Variants in PLEKHG3 observed in about 807,000 individuals in gnomAD.
PLEKHG3 encodes the protein pleckstrin homology and RhoGEF domain containing G3, also known as pleckstrin homology domain-containing family G member 3.
Under a neutral mutation model 94.9 loss-of-function variants are expected in PLEKHG3, and 62 were observed. The observed-to-expected ratio is 0.65, with a 90% CI of 0.53 to 0.81. PLEKHG3 has a LOEUF of 0.81. Ranked by LOEUF, PLEKHG3 falls within the 30% of genes least tolerant of loss-of-function variation. The probability of loss-of-function intolerance (pLI) is 0.00; values close to 1 mark genes in which losing one functional copy is unlikely to be tolerated. For synonymous variants in PLEKHG3, 614 were observed against 654.0 expected (o/e 0.94, Z 0.93); for missense variants, 1,461 against 1,619.3 (o/e 0.90, Z 1.68).
chr14:64,749,038 C>T lies in PLEKHG3; in HGVS notation c.*5335C>T. On this transcript the variant is annotated 3_prime_UTR_variant, in exon 17 of 17. Coordinates refer to ENST00000247226, the MANE Select transcript of PLEKHG3 (RefSeq NM_001308147.2). The surrounding 1 kb of genome is among the most constrained non-coding windows in gnomAD (Gnocchi z 4.7). ...GTGTGCCTCAGAGAACCGTTTCCTGCCCCCAGGCCTGGAGGCCCCAAAGGC... is the reference window on the plus strand; with the variant it reads ...GTGTGCCTCAGAGAACCGTTTCCTGTCCCCAGGCCTGGAGGCCCCAAAGGC... The T allele has an allele frequency of 5.3e-6, 2 of 379,728 alleles. No individual in the cohort carries two copies. Among genetic ancestry groups the T allele is most frequent in the South Asian group, 5.7e-5 (2 of 35,188 alleles). 23.5% of individuals were successfully genotyped at this position (379,728 alleles called of 1,614,324 possible). A position where few individuals can be genotyped will look rare whatever the true frequency, so the allele number is the denominator to read the frequency against.
intron 1 of PLEKHG3, among the ~76,000 whole-genome samples, chr14:64,708,644 C>T (rs769936799): frequency 7.9e-5 from 12 of 152,170 alleles, no homozygotes; most frequent in African/African-American, 1.9e-4. Flanking sequence ...GCTGAGTCTC[C>T]GACCCTCTCT....
In PLEKHG3 at chr14:64,730,796, C is replaced by A; in HGVS notation, c.567-3C>A. The A allele has an allele frequency of 1.2e-6, 2 of 1,613,018 alleles. No individual in the cohort carries two copies. Among genetic ancestry groups the A allele is most frequent in the Non-Finnish European group, 1.7e-6 (2 of 1,179,300 alleles). On this transcript the variant is annotated splice_region_variant and splice_polypyrimidine_tract_variant and intron_variant, in intron 5 of 16. Transcript: ENST00000247226. This position sits in a 1 kb window ranked among gnomAD's most constrained non-coding sequence, Gnocchi z 5.4. ...TGGTGACTGGCCCTTCTCCCACTCCCAGCTCCGTGGCCGCCCTGACGGAAT... is the reference window on the plus strand; with the variant it reads ...TGGTGACTGGCCCTTCTCCCACTCCAAGCTCCGTGGCCGCCCTGACGGAAT...
chr14:64,734,945 C>G (rs1323332188), intron 12 of PLEKHG3, among the ~76,000 whole-genome samples: 1 of 151,978 alleles, frequency 6.6e-6, no homozygotes, highest in East Asian at 1.9e-4. Context: ...AGGCTGGTCT[C>G]GAACTCCTGA....
intron 1 of PLEKHG3, among the ~76,000 whole-genome samples, chr14:64,708,266 T>C (rs561127932): frequency 6.6e-6 from 1 of 152,250 alleles, no homozygotes; most frequent in Admixed American, 6.5e-5. Context: ...TGCTCTGGAA[T>C]TCCCCCTGCT....
chr14:64,738,053 C>T lies in PLEKHG3; in HGVS notation c.1404+678C>T. 1 of 1,296,122 alleles carries T rather than the reference C, an allele frequency of 7.7e-7. No individual in the cohort carries two copies. Among genetic ancestry groups the T allele is most frequent in the Non-Finnish European group, 1.0e-6 (1 of 992,982 alleles). The allele number at this position is 1,296,122 out of a possible 1,614,324, so 80.3% of individuals were successfully genotyped here. A position where few individuals can be genotyped will look rare whatever the true frequency, so the allele number is the denominator to read the frequency against. ...TGGAGGACCTGACAGGGCATGAAGG[C>T]AACGAGAAGGGGGCTGGGCCGGAGC... On this transcript the variant is annotated intron_variant, in intron 14 of 16. Transcript: ENST00000247226. This position sits in a 1 kb window ranked among gnomAD's most constrained non-coding sequence, Gnocchi z 4.8.
Position 64,732,056 on chromosome 14 carries a change from A to G in PLEKHG3, c.1126-39A>G. 4 of 1,457,828 alleles carry G rather than the reference A, an allele frequency of 2.7e-6. No homozygotes were observed. The highest frequency in any genetic ancestry group is 3.9e-6 in the Non-Finnish European group (4 of 1,037,378). The allele number at this position is 1,457,828 out of a possible 1,614,324, so 90.3% of individuals were successfully genotyped here. Reference sequence around the variant, plus strand: ...CATGCTAGACAGCTTCAGGCCTGTAATGATAACCACTGGGTCCCTTTCCCT... The same window carrying G: ...CATGCTAGACAGCTTCAGGCCTGTAGTGATAACCACTGGGTCCCTTTCCCT... On this transcript the variant is annotated intron_variant, in intron 9 of 16. Coordinates refer to ENST00000247226, the MANE Select transcript of PLEKHG3 (RefSeq NM_001308147.2). The surrounding 1 kb of genome is among the most constrained non-coding windows in gnomAD (Gnocchi z 4.9).
chr14:64,737,028 C>A (rs1336871220), intron 13 of PLEKHG3, 137 bp downstream of exon 13: 8 of 759,858 alleles, frequency 1.1e-5, no homozygotes, highest in African/African-American at 1.7e-5. Context: ...GCCTCCATTC[C>A]CCCCAGAAGA....
chr14:64,749,628 G>A lies in PLEKHG3; in HGVS notation c.*5925G>A. On this transcript the variant is annotated 3_prime_UTR_variant, in exon 17 of 17. Coordinates refer to ENST00000247226, the MANE Select transcript of PLEKHG3 (RefSeq NM_001308147.2). This position sits in a 1 kb window ranked among gnomAD's most constrained non-coding sequence, Gnocchi z 4.7. ...CTCCACCTACCCCCTTCTTAGCCAGGTCTGGGCTAGGCTGCCCGCGCTTAC... is the reference window on the plus strand; with the variant it reads ...CTCCACCTACCCCCTTCTTAGCCAGATCTGGGCTAGGCTGCCCGCGCTTAC... The A allele has an allele frequency of 1.9e-6, 3 of 1,613,230 alleles. No individual in the cohort carries two copies. Among genetic ancestry groups the A allele is most frequent in the Non-Finnish European group, 2.5e-6 (3 of 1,179,906 alleles).
Position 64,746,567 on chromosome 14 carries a change from A to G in PLEKHG3, c.*2864A>G, listed in dbSNP as rs1485392286. 1 of 152,436 alleles carries G rather than the reference A, an allele frequency of 6.6e-6. No homozygotes were observed. Among genetic ancestry groups the G allele is most frequent in the Non-Finnish European group, 1.5e-5 (1 of 67,996 alleles). The allele number at this position is 152,436 out of a possible 1,614,324, so 9.4% of individuals were successfully genotyped here. A position where few individuals can be genotyped will look rare whatever the true frequency, so the allele number is the denominator to read the frequency against. On this transcript the variant is annotated 3_prime_UTR_variant, in exon 17 of 17. Coordinates refer to ENST00000247226, the MANE Select transcript of PLEKHG3 (RefSeq NM_001308147.2). The surrounding 1 kb of genome is among the most constrained non-coding windows in gnomAD (Gnocchi z 4.9). The stretch of plus-strand genomic sequence containing the variant: ...GAGGAAGAGGATTCAGGGTCAGCCT[A>G]GGGGACCCTGGCTCCCTCCGATAGG...
At position 64,718,130 on chromosome 14, in the gene PLEKHG3, TCTC is replaced by T. The variant is rs1256760805; in HGVS notation, c.-39-9460_-39-9458del. Among the ~76,000 whole-genome samples the T allele has an allele frequency of 1.3e-5, 2 of 152,250 alleles. No individual in the cohort carries two copies. The highest frequency in any genetic ancestry group is 2.9e-5 in the Non-Finnish European group (2 of 68,042). On this transcript the variant is annotated intron_variant, in intron 1 of 16. Transcript: ENST00000247226. The surrounding 1 kb of genome is among the most constrained non-coding windows in gnomAD (Gnocchi z 5.0). ...TTATGACTCAGCTAAGATGTCACCT[TCTC>T]CTAGAAAGCTTCCTGGTCCCCTAAG...
intron 16 of PLEKHG3, 128 bp downstream of exon 16, chr14:64,742,583 G>T: frequency 1.5e-6 from 1 of 685,268 alleles, no homozygotes; most frequent in Non-Finnish European, 2.4e-6. Flanking sequence ...CTGGACCCTG[G>T]GCACTAAGGG....
At chr14:64,710,484 A>G (rs10138034) in intron 1 of PLEKHG3, among the ~76,000 whole-genome samples, 14,126 of 152,196 alleles carry the variant, frequency 0.093, 745 homozygotes, top group African/African-American at 0.14. Flanking sequence ...AGCTTGGCCA[A>G]CATGGTGAAA....
At chr14:64,706,735 C>T (rs547652430) in intron 1 of PLEKHG3, among the ~76,000 whole-genome samples, 3 of 152,260 alleles carry the variant, frequency 2.0e-5, no homozygotes, top group African/African-American at 7.2e-5. Context: ...CCCACGGTCA[C>T]TGTTTACGCT....
chr14:64,738,167 C>A lies in PLEKHG3; in HGVS notation c.1405-575C>A, dbSNP rs535171300. 1 of 1,292,534 alleles carries A rather than the reference C, an allele frequency of 7.7e-7. No individual in the cohort carries two copies. The highest frequency in any genetic ancestry group is 5.4e-5 in the East Asian group (1 of 18,452). The allele number at this position is 1,292,534 out of a possible 1,614,324, so 80.1% of individuals were successfully genotyped here. A position where few individuals can be genotyped will look rare whatever the true frequency, so the allele number is the denominator to read the frequency against. On this transcript the variant is annotated intron_variant, in intron 14 of 16. Transcript: ENST00000247226. This position sits in a 1 kb window ranked among gnomAD's most constrained non-coding sequence, Gnocchi z 4.8. ...CCGACTTTGCCAGCTCCCTGCTGGCCGCCCTCCACTGCTGGCACTATCGGG... is the reference window on the plus strand; with the variant it reads ...CCGACTTTGCCAGCTCCCTGCTGGCAGCCCTCCACTGCTGGCACTATCGGG...
chr14:64,743,543 C>T lies in PLEKHG3; in HGVS notation c.3500C>T (p.Pro1167Leu), dbSNP rs140865147. Residue 1167 changes from proline (P) to leucine (L), a missense_variant, in exon 17 of 17, where the codon CCA becomes CTA. By Grantham distance (98) the Pro-to-Leu change is moderately conservative (BLOSUM62 -3). Transcript: ENST00000247226. This position sits in a 1 kb window ranked among gnomAD's most constrained non-coding sequence, Gnocchi z 7.2. ...CTGGAGGAGAGCAGTGGCCAGGGAC[C>T]AAGCTCACCGGTGGCCCTGCTGGGG... ...AGLEESSGQG[P>L]SSPVALLGQV... 5.3e-5 allele frequency: 86 copies of T among 1,612,994 alleles called. No homozygotes were observed. The African/African-American group carries it at 1.1e-3, about 20-fold the overall frequency.
chr14:64,732,152 G>C lies in PLEKHG3; in HGVS notation c.1183G>C (p.Glu395Gln). 6.2e-7 allele frequency: 1 copy of C among 1,614,012 alleles called. No individual in the cohort carries two copies. Among genetic ancestry groups the C allele is most frequent in the Non-Finnish European group, 8.5e-7 (1 of 1,179,916 alleles). ...TCACCACATCAAGAGGCTCATCCTA[G>C]AGAACCACCATGCCACCATTCCCCA... The part of the protein sequence containing the change: ...WTHHIKRLIL[E>Q]NHHATIPQKA... Residue 395 changes from glutamate (E) to glutamine (Q), a missense_variant, in exon 10 of 17, where the codon GAG becomes CAG. Glu to Gln is a conservative substitution (Grantham distance 29). Transcript: ENST00000247226. This position sits in a 1 kb window ranked among gnomAD's most constrained non-coding sequence, Gnocchi z 4.9.
At position 64,723,509 on chromosome 14, in the gene PLEKHG3, C is replaced by CTT. The variant is rs5809248; in HGVS notation, c.-39-4076_-39-4075dup. On this transcript the variant is annotated intron_variant, in intron 1 of 16. Transcript: ENST00000247226. This position sits in a 1 kb window ranked among gnomAD's most constrained non-coding sequence, Gnocchi z 4.5. ...GACTTGAGAAAGAGTTTTCTTTTTT[C>CTT]TTTTTTTTTGAGATGGAGTCTCATG... 9.1e-3 allele frequency among the ~76,000 whole-genome samples: 1,368 copies of CTT among 150,746 alleles called. 13 individuals are homozygous for CTT. The highest frequency in any genetic ancestry group is 0.013 in the Non-Finnish European group (905 of 67,640).
intron 1 of PLEKHG3, among the ~76,000 whole-genome samples, chr14:64,707,006 G>A (rs1225015918): frequency 1.3e-5 from 2 of 152,192 alleles, no homozygotes; most frequent in Non-Finnish European, 2.9e-5. Context: ...CTGCACTGAG[G>A]GCTGTCTTCA....
chr14:64,749,903 C>T lies in PLEKHG3; in HGVS notation c.*6200C>T. 1 of 1,595,938 alleles carries T rather than the reference C, an allele frequency of 6.3e-7. No homozygotes were observed. Among genetic ancestry groups the T allele is most frequent in the Non-Finnish European group, 8.6e-7 (1 of 1,163,922 alleles). On this transcript the variant is annotated 3_prime_UTR_variant, in exon 17 of 17. Transcript: ENST00000247226. The surrounding 1 kb of genome is among the most constrained non-coding windows in gnomAD (Gnocchi z 4.7). ...GCAGCTCAGGCCTGGCACTGGTCCC[C>T]TACAGAGGGCCTCTGCCCTGCCACT...
Sources: allele counts gnomAD v4.1 joint callset (sites outside exome capture counted in the v4.1 genomes callset), GRCh38; gene constraint gnomAD v4.1.1; non-coding constraint Gnocchi (gnomAD v3.1); transcripts MANE v1.5; gene names NCBI Gene and HGNC (gene_info 2026-07-23, HGNC 2026-07-21).